The following CORIN variants were observed in gnomAD, a reference collection of about 807,000 sequenced individuals.
CORIN encodes corin, serine peptidase.
Under a neutral mutation model 125.3 loss-of-function variants are expected in CORIN, and 117 were observed. That is an observed-to-expected ratio of 0.93 (90% CI 0.80 to 1.09). CORIN has a LOEUF of 1.09. Ranked by LOEUF, CORIN falls within the 50% of genes least tolerant of loss-of-function variation. The pLI is 0.00. For synonymous variants in CORIN, 450 were observed against 466.4 expected (o/e 0.96, Z 0.45); for missense variants, 1,253 against 1,306.7 (o/e 0.96, Z 0.63).
intron 2 of CORIN, among the ~76,000 whole-genome samples, chr4:47,791,300 T>TGCA (rs1731067952): frequency 1.3e-5 from 2 of 152,188 alleles, no homozygotes; most frequent in Non-Finnish European, 2.9e-5. Context: ...AGCCAAGGAA[T>TGCA]GCAGGAAGCC....
At chr4:47,601,320 C>CT (rs34035998) in intron 20 of CORIN, among the ~76,000 whole-genome samples, 16,694 of 145,660 alleles carry the variant, frequency 0.11, 1,318 homozygotes, top group East Asian at 0.47. Context: ...TTCAGCAGAT[C>CT]TTTTTTTTTT....
chr4:47,665,316 CTTCT>C (rs1300086596), intron 10 of CORIN, 53 bp from the exon 11 acceptor site: 16 of 1,359,438 alleles, frequency 1.2e-5, no homozygotes, highest in Middle Eastern at 3.8e-4. Context: ...ATAAAAACAA[CTTCT>C]TTAAGTTTTA....
At chr4:47,599,737 C>T (rs1721377946) in intron 21 of CORIN, among the ~76,000 whole-genome samples, 1 of 152,136 alleles carries the variant, frequency 6.6e-6, no homozygotes, top group African/African-American at 2.4e-5. Context: ...GTGTGATGAC[C>T]CCTGAGACAG....
At chr4:47,673,565 T>C in intron 10 of CORIN, among the ~76,000 whole-genome samples, 1 of 152,118 alleles carries the variant, frequency 6.6e-6, no homozygotes, top group South Asian at 2.1e-4. Flanking sequence ...GATTTTCTGA[T>C]TCCATTTTCC....
intron 5 of CORIN, among the ~76,000 whole-genome samples, chr4:47,726,282 T>C (rs1727591079): frequency 6.6e-6 from 1 of 152,060 alleles, no homozygotes; most frequent in South Asian, 2.1e-4. Flanking sequence ...ATTTTCACAA[T>C]TACCAAAAAA....
chr4:47,757,858 ATATATATACATATATATATG>A (rs1436905597), intron 4 of CORIN, among the ~76,000 whole-genome samples: 1 of 109,362 alleles, frequency 9.1e-6, no homozygotes, highest in African/African-American at 3.5e-5. Flanking sequence ...GAGTTTACAC[ATATATATACATATATATATG>A]TATATATATA....
At chr4:47,772,489 T>G (rs1730092675) in intron 3 of CORIN, among the ~76,000 whole-genome samples, 1 of 152,216 alleles carries the variant, frequency 6.6e-6, no homozygotes, top group Admixed American at 6.5e-5. Flanking sequence ...CATAAAATCA[T>G]CCATCCTAGA....
chr4:47,837,946 T>A lies in CORIN; in HGVS notation c.4A>T (p.Lys2Ter), dbSNP rs149190386. M[K>*]QSPALAPEER... is the part of the protein sequence containing the mutation. ...TCCGGAGCGAGGGCAGGAGACTGTT[T>A]CATGGATAAAAAGTCTCGCTTATTC... Residue 2 changes from lysine to a stop codon, truncating the protein, a stop_gained, in exon 1 of 22, where the codon AAA becomes TAA. Coordinates refer to ENST00000273857, the MANE Select transcript of CORIN (RefSeq NM_006587.4). LOFTEE classifies it high-confidence loss of function. The A allele has an allele frequency of 1.9e-6, 3 of 1,612,836 alleles. No individual in the cohort carries two copies. Among genetic ancestry groups the A allele is most frequent in the Non-Finnish European group, 2.5e-6 (3 of 1,180,030 alleles).
At chr4:47,750,269 T>C (rs1325653119) in intron 4 of CORIN, among the ~76,000 whole-genome samples, 1 of 152,170 alleles carries the variant, frequency 6.6e-6, no homozygotes, top group Non-Finnish European at 1.5e-5. Flanking sequence ...AACGTGGGGA[T>C]GGACAGCGGT....
At chr4:47,720,505 G>C (rs1727294181) in intron 5 of CORIN, among the ~76,000 whole-genome samples, 1 of 152,116 alleles carries the variant, frequency 6.6e-6, no homozygotes, top group African/African-American at 2.4e-5. Context: ...AAAAGAGTGG[G>C]GTACATGCAG....
chr4:47,692,436 A>G (rs1025042958), intron 6 of CORIN, among the ~76,000 whole-genome samples: 1 of 152,166 alleles, frequency 6.6e-6, no homozygotes, highest in Admixed American at 6.6e-5. Context: ...TGGCCAATTC[A>G]GTCAAAATGA....
At chr4:47,804,285 A>G (rs1731670121) in intron 2 of CORIN, among the ~76,000 whole-genome samples, 1 of 152,240 alleles carries the variant, frequency 6.6e-6, no homozygotes, top group Admixed American at 6.5e-5. Flanking sequence ...ACCACTATAA[A>G]GAACAGTTTG....
intron 16 of CORIN, among the ~76,000 whole-genome samples, chr4:47,628,271 C>T (rs1338369652): frequency 6.6e-6 from 1 of 152,112 alleles, no homozygotes; most frequent in Non-Finnish European, 1.5e-5. Context: ...CTGAGCATCT[C>T]CATAACTTCA....
At position 47,773,141 on chromosome 4, in the gene CORIN, C is replaced by T. The variant is rs201020358; in HGVS notation, c.410-9555G>A. On this transcript the variant is annotated intron_variant, in intron 3 of 21. Coordinates refer to ENST00000273857, the MANE Select transcript of CORIN (RefSeq NM_006587.4). Reference sequence around the variant, plus strand: ...TTTAAAAAAAGAATTTGGAATTAGACCACATTTCACATATTTAGCCAAAAT... The same window carrying T: ...TTTAAAAAAAGAATTTGGAATTAGATCACATTTCACATATTTAGCCAAAAT... Among the ~76,000 whole-genome samples, 58 of 152,176 alleles carry T rather than the reference C, an allele frequency of 3.8e-4. No individual in the cohort carries two copies. In the East Asian group the frequency reaches 8.3e-3, roughly 22 times the overall value.
intron 1 of CORIN, among the ~76,000 whole-genome samples, chr4:47,825,310 T>G (rs1732694014): frequency 6.6e-6 from 1 of 151,884 alleles, no homozygotes; most frequent in African/African-American, 2.4e-5. Context: ...GGCCTGGGAG[T>G]CCCCCTTGCA....
chr4:47,754,868 C>A (rs139926272), intron 4 of CORIN, among the ~76,000 whole-genome samples: 2 of 152,238 alleles, frequency 1.3e-5, no homozygotes, highest in East Asian at 3.9e-4. Context: ...TGGATATGAT[C>A]CATCATATGT....
intron 15 of CORIN, 164 bp downstream of exon 15, chr4:47,642,982 A>G: frequency 6.5e-7 from 1 of 1,537,208 alleles, no homozygotes; most frequent in Non-Finnish European, 8.7e-7. Flanking sequence ...ATTTTCTGTG[A>G]GTTGGAAATA....
intron 4 of CORIN, among the ~76,000 whole-genome samples, chr4:47,761,468 A>G (rs1729456929): frequency 6.8e-6 from 1 of 148,032 alleles, no homozygotes; most frequent in Non-Finnish European, 1.5e-5. Flanking sequence ...TGAATGCATA[A>G]AGAAAATGTG....
At chr4:47,740,764 A>T (rs1016764935) in intron 5 of CORIN, among the ~76,000 whole-genome samples, 1 of 151,986 alleles carries the variant, frequency 6.6e-6, no homozygotes, top group Non-Finnish European at 1.5e-5. Flanking sequence ...TAGATAGATC[A>T]ATAAAAAATA....
Sources: allele counts gnomAD v4.1 joint callset (sites outside exome capture counted in the v4.1 genomes callset), GRCh38; gene constraint gnomAD v4.1.1; transcripts MANE v1.5; gene names NCBI Gene and HGNC (gene_info 2026-07-23, HGNC 2026-07-21).